The following CNTNAP2 variants were observed in gnomAD, a reference collection of about 807,000 sequenced individuals.
CNTNAP2 encodes the protein contactin associated protein 2, also known as contactin-associated protein-like 2.
Under a neutral mutation model 155.2 loss-of-function variants are expected in CNTNAP2, and 98 were observed. The observed-to-expected ratio is 0.63, with a 90% CI of 0.54 to 0.75. The LOEUF (loss-of-function observed/expected upper bound fraction) is 0.75. CNTNAP2 is among the 30% of genes least tolerant of loss of function. The pLI is 0.00. For synonymous variants in CNTNAP2, 651 were observed against 631.2 expected, an observed-to-expected ratio of 1.03 and a Z score of -0.47; for missense variants, 1,727 against 1,688.1, an observed-to-expected ratio of 1.02 and a Z score of -0.40.
chr7:148,269,325 G>C (rs572989496), intron 21 of CNTNAP2, among the ~76,000 whole-genome samples: 1 of 152,338 alleles, frequency 6.6e-6, no homozygotes, highest in South Asian at 2.1e-4. Context: ...CTCAGGCACA[G>C]TCTCAAATCT....
chr7:147,630,601 A>T (rs1021492278), intron 12 of CNTNAP2, among the ~76,000 whole-genome samples: 6 of 152,208 alleles, frequency 3.9e-5, no homozygotes, highest in Non-Finnish European at 8.8e-5. Context: ...CAAATTCAAC[A>T]GCATATCAAA....
chr7:148,019,244 G>A (rs903150567), intron 15 of CNTNAP2, among the ~76,000 whole-genome samples: 7 of 152,108 alleles, frequency 4.6e-5, no homozygotes, highest in Non-Finnish European at 1.0e-4. Flanking sequence ...TCATCTTCTA[G>A]GTTCCTCAGA....
chr7:147,211,561 G>A (rs1803146500), intron 8 of CNTNAP2, among the ~76,000 whole-genome samples: 1 of 151,982 alleles, frequency 6.6e-6, no homozygotes, highest in African/African-American at 2.4e-5. Context: ...ATTAGGAATG[G>A]AGAAACAACT....
At chr7:146,925,025 A>G (rs1796577616) in intron 3 of CNTNAP2, among the ~76,000 whole-genome samples, 2 of 152,146 alleles carry the variant, frequency 1.3e-5, no homozygotes, top group Non-Finnish European at 2.9e-5. Context: ...AAGAATTGCT[A>G]TGGATCAGCC....
At chr7:146,337,082 A>G (rs1801289198) in intron 1 of CNTNAP2, among the ~76,000 whole-genome samples, 1 of 152,232 alleles carries the variant, frequency 6.6e-6, no homozygotes, top group Non-Finnish European at 1.5e-5. Flanking sequence ...ATAGTGTGCT[A>G]TAGTTACGTT....
At chr7:146,539,968 C>T (rs979431969) in intron 1 of CNTNAP2, among the ~76,000 whole-genome samples, 2 of 151,968 alleles carry the variant, frequency 1.3e-5, no homozygotes, top group Non-Finnish European at 2.9e-5. Flanking sequence ...CAAAGGAGTG[C>T]CTTGAAAAGG....
intron 3 of CNTNAP2, among the ~76,000 whole-genome samples, chr7:146,843,685 G>C (rs4726811): frequency 0.21 from 31,096 of 151,200 alleles, 3,442 homozygotes; most frequent in Admixed American, 0.33. Flanking sequence ...ATATTTTAGG[G>C]CTACGTCTTA....
chr7:147,424,404 C>A (rs1461804518), intron 10 of CNTNAP2, among the ~76,000 whole-genome samples: 1 of 152,110 alleles, frequency 6.6e-6, no homozygotes, highest in Non-Finnish European at 1.5e-5. Flanking sequence ...GCATTTGATA[C>A]AAATCATTCC....
chr7:146,938,255 C>T lies in CNTNAP2; in HGVS notation c.402+98351C>T, dbSNP rs546477736. 1.4e-3 allele frequency among the ~76,000 whole-genome samples: 207 copies of T among 152,010 alleles called. 1 individual carries two copies. Among genetic ancestry groups the T allele is most frequent in the African/African-American group, 4.0e-3 (168 of 41,500 alleles). On this transcript the variant is annotated intron_variant, in intron 3 of 23. Transcript: ENST00000361727. ...ACTCATCTCCAAAGCTTAACTTTCCCCTTGGCGTAATAAATTAAGAGCGTC... is the reference window on the plus strand; with the variant it reads ...ACTCATCTCCAAAGCTTAACTTTCCTCTTGGCGTAATAAATTAAGAGCGTC...
chr7:146,599,785 T>G (rs374780003), intron 1 of CNTNAP2, among the ~76,000 whole-genome samples: 1 of 61,376 alleles, frequency 1.6e-5, no homozygotes, highest in Admixed American at 1.6e-4. Context: ...TAGATAGATC[T>G]CTAGTTTTAT....
intron 1 of CNTNAP2, among the ~76,000 whole-genome samples, chr7:146,517,506 G>T (rs1260443433): frequency 6.6e-6 from 1 of 151,986 alleles, no homozygotes; most frequent in African/African-American, 2.4e-5. Flanking sequence ...AATGTCTGAT[G>T]TGGCTTGAAT....
intron 1 of CNTNAP2, among the ~76,000 whole-genome samples, chr7:146,674,507 A>C (rs1800362509): frequency 6.6e-6 from 1 of 152,130 alleles, no homozygotes; most frequent in Admixed American, 6.6e-5. Context: ...GAGGAAAAAA[A>C]AAATTAAAAA....
chr7:148,108,364 T>TA (rs34910578), intron 15 of CNTNAP2, among the ~76,000 whole-genome samples: 5,039 of 146,298 alleles, frequency 0.034, 107 homozygotes, highest in African/African-American at 0.043. Flanking sequence ...ACCAAAAAAT[T>TA]AAAAAAAAAA....
chr7:146,411,310 A>T (rs1367517331), intron 1 of CNTNAP2, among the ~76,000 whole-genome samples: 1 of 151,848 alleles, frequency 6.6e-6, no homozygotes, highest in African/African-American at 2.4e-5. Context: ...GCATGCAGCC[A>T]CCACTCCTGA....
chr7:147,836,225 G>A (rs770422540), intron 13 of CNTNAP2, among the ~76,000 whole-genome samples: 5 of 152,130 alleles, frequency 3.3e-5, no homozygotes, highest in African/African-American at 7.2e-5. Flanking sequence ...TTTTCAGTTA[G>A]GAATAATTAC....
intron 15 of CNTNAP2, among the ~76,000 whole-genome samples, chr7:148,039,550 T>A (rs1802631092): frequency 6.6e-6 from 1 of 152,124 alleles, no homozygotes; most frequent in African/African-American, 2.4e-5. Context: ...AAAAACAGAT[T>A]AGTGATTTAC....
chr7:146,719,621 C>T (rs1455495401), intron 1 of CNTNAP2, among the ~76,000 whole-genome samples: 1 of 151,976 alleles, frequency 6.6e-6, no homozygotes, highest in Non-Finnish European at 1.5e-5. Flanking sequence ...CTGAATTTTG[C>T]TATCTTTACA....
chr7:148,236,933 CA>C (rs1437919101), intron 20 of CNTNAP2, among the ~76,000 whole-genome samples: 3 of 152,228 alleles, frequency 2.0e-5, no homozygotes, highest in Non-Finnish European at 4.4e-5. Flanking sequence ...CTAAACCGTT[CA>C]TAGAGCTCTG....
At position 146,583,367 on chromosome 7, in the gene CNTNAP2, T is replaced by G. The variant is rs138303901; in HGVS notation, c.98-190904T>G. ...CACCACTTGAATTACTTGATTGTAG[T>G]TCAATCAGTTTTCAAACCCCAGTGA... On this transcript the variant is annotated intron_variant, in intron 1 of 23. Coordinates refer to ENST00000361727, the MANE Select transcript of CNTNAP2 (RefSeq NM_014141.6). Among the ~76,000 whole-genome samples the G allele has an allele frequency of 2.0e-3, 297 of 152,238 alleles. 2 individuals carry two copies. The highest frequency in any genetic ancestry group is 1.3e-3 in the Non-Finnish European group (86 of 67,998).
Sources: gnomAD v4.1 joint callset for allele counts (sites outside exome capture counted in the v4.1 genomes callset) on GRCh38, gnomAD v4.1.1 for gene constraint, MANE v1.5 for transcripts, NCBI Gene and HGNC (gene_info 2026-07-23, HGNC 2026-07-21) for gene names.